The following PTPRT variants were observed in gnomAD, a reference collection of about 807,000 sequenced individuals.
PTPRT encodes the protein protein tyrosine phosphatase receptor type T.
In PTPRT, 56 loss-of-function variants were observed where a neutral mutation model predicts 176.8. The ratio of observed to expected loss-of-function variants is 0.32; its 90% confidence interval spans 0.26 to 0.40. PTPRT has a LOEUF of 0.40. PTPRT is among the 10% of genes least tolerant of loss of function. The pLI, the probability that PTPRT is intolerant of heterozygous loss-of-function variation, is 1.00. For missense variants in PTPRT, 1,540 were observed against 1,908.2 expected (o/e 0.81, Z 3.60); for synonymous variants, 783 against 739.0 (o/e 1.06, Z -0.96).
At chr20:43,135,093 T>G (rs1226690953) in intron 1 of PTPRT, among the ~76,000 whole-genome samples, 1 of 152,216 alleles carries the variant, frequency 6.6e-6, no homozygotes, top group African/African-American at 2.4e-5. Context: ...TAGGTATATC[T>G]TCTGGAGGAT....
At chr20:42,226,377 C>T (rs996033745) in intron 15 of PTPRT, among the ~76,000 whole-genome samples, 1 of 152,176 alleles carries the variant, frequency 6.6e-6, no homozygotes, top group Non-Finnish European at 1.5e-5. Flanking sequence ...AAGCTCAGGG[C>T]TTTTTCCTGC....
intron 2 of PTPRT, among the ~76,000 whole-genome samples, chr20:42,792,521 G>T (rs1210861688): frequency 2.0e-5 from 3 of 152,174 alleles, no homozygotes; most frequent in African/African-American, 4.8e-5. Context: ...ACAAATTAAA[G>T]AGATGATTAA....
intron 13 of PTPRT, among the ~76,000 whole-genome samples, chr20:42,249,353 T>C (rs2056511078): frequency 6.6e-6 from 1 of 152,214 alleles, no homozygotes; most frequent in African/African-American, 2.4e-5. Flanking sequence ...CAAGGGAACT[T>C]GAGTACACCT....
intron 27 of PTPRT, among the ~76,000 whole-genome samples, chr20:42,094,430 C>T (rs1984977865): frequency 6.6e-6 from 1 of 152,158 alleles, no homozygotes; most frequent in Non-Finnish European, 1.5e-5. Context: ...CTTCATTCCT[C>T]TTTCTTTTTT....
chr20:42,793,846 A>C (rs1600747493), intron 2 of PTPRT, among the ~76,000 whole-genome samples: 1 of 152,112 alleles, frequency 6.6e-6, no homozygotes, highest in East Asian at 1.9e-4. Context: ...AGCCCCACAA[A>C]GGGTTTGTGA....
chr20:42,231,849 T>A (rs182418426), intron 15 of PTPRT, among the ~76,000 whole-genome samples: 1 of 152,204 alleles, frequency 6.6e-6, no homozygotes, highest in Non-Finnish European at 1.5e-5. Context: ...TGGCTCCTTA[T>A]GGAAAATATT....
At chr20:43,016,552 CTTTT>C (rs11482189) in intron 1 of PTPRT, among the ~76,000 whole-genome samples, 96 of 76,226 alleles carry the variant, frequency 1.3e-3, no homozygotes, top group Middle Eastern at 0.017. Flanking sequence ...TCTAAGGCCA[CTTTT>C]TTTTTTTTTT....
At chr20:42,280,522 C>T (rs1210458096) in intron 13 of PTPRT, among the ~76,000 whole-genome samples, 3 of 152,184 alleles carry the variant, frequency 2.0e-5, no homozygotes, top group Admixed American at 6.5e-5. Flanking sequence ...CCTGCCTGGG[C>T]TTGGACAGCT....
the PTPRT span, among the ~76,000 whole-genome samples, chr20:42,048,971 G>A: frequency 5.3e-5 from 8 of 152,120 alleles, no homozygotes; most frequent in South Asian, 4.2e-4. Flanking sequence ...ACAGATGCCC[G>A]CCACCACACC....
chr20:43,169,711 C>T (rs2014948319), intron 1 of PTPRT, among the ~76,000 whole-genome samples: 1 of 151,908 alleles, frequency 6.6e-6, no homozygotes, highest in African/African-American at 2.4e-5. Flanking sequence ...CAATATCCCT[C>T]CTCTTCTCTA....
intron 16 of PTPRT, among the ~76,000 whole-genome samples, chr20:42,182,907 G>GGTGTGT (rs10608197): frequency 0.14 from 19,882 of 144,494 alleles, 1,640 homozygotes; most frequent in East Asian, 0.28. Flanking sequence ...TACAAGCAGG[G>GGTGTGT]GTGTGTGTGT....
At chr20:43,141,434 C>A (rs1004919591) in intron 1 of PTPRT, among the ~76,000 whole-genome samples, 1 of 152,174 alleles carries the variant, frequency 6.6e-6, no homozygotes, top group Non-Finnish European at 1.5e-5. Flanking sequence ...TGTCAACATC[C>A]AGCAGGCTGA....
At chr20:42,102,871 T>C (rs1006746615) in intron 25 of PTPRT, among the ~76,000 whole-genome samples, 1 of 152,192 alleles carries the variant, frequency 6.6e-6, no homozygotes, top group Admixed American at 6.5e-5. Flanking sequence ...TCTTGCAAGT[T>C]TGAGGCCAGA....
intron 1 of PTPRT, among the ~76,000 whole-genome samples, chr20:42,929,006 C>T (rs1362492609): frequency 6.6e-6 from 1 of 152,198 alleles, no homozygotes; most frequent in Admixed American, 6.5e-5. Context: ...AGAACATACC[C>T]CCTGCTTTCT....
At chr20:43,072,940 G>C (rs892231367) in intron 1 of PTPRT, among the ~76,000 whole-genome samples, 1 of 152,098 alleles carries the variant, frequency 6.6e-6, no homozygotes, top group African/African-American at 2.4e-5. Flanking sequence ...ACTGGTCCAG[G>C]TGTGGTCCTT....
chr20:42,174,012 T>C (rs1600631301), intron 16 of PTPRT, among the ~76,000 whole-genome samples: 1 of 152,106 alleles, frequency 6.6e-6, no homozygotes, highest in Non-Finnish European at 1.5e-5. Context: ...AGTACAAATA[T>C]TGGTTGGCAA....
chr20:42,718,682 G>C (rs1399927018), intron 6 of PTPRT, among the ~76,000 whole-genome samples: 1 of 152,136 alleles, frequency 6.6e-6, no homozygotes, highest in Non-Finnish European at 1.5e-5. Context: ...AATAATTCTA[G>C]TAGTCACAAT....
Position 42,815,936 on chromosome 20 carries a change from T to G in PTPRT, c.215-24470A>C, listed in dbSNP as rs144905193. 7.5e-3 allele frequency among the ~76,000 whole-genome samples: 1,135 copies of G among 152,348 alleles called. 7 individuals are homozygous for G. The highest frequency in any genetic ancestry group is 0.01 in the Non-Finnish European group (711 of 68,034). ...GGGAAATTATATGAGAATGTAGTCC[T>G]GTTTGAACAGAAAACTTTTTTTTTC... On this transcript the variant is annotated intron_variant, in intron 2 of 30. Transcript: ENST00000373187.
chr20:42,361,200 GC>G (rs2058427456), intron 9 of PTPRT, among the ~76,000 whole-genome samples: 1 of 152,158 alleles, frequency 6.6e-6, no homozygotes, highest in Admixed American at 6.5e-5. Context: ...TGCCAAGCAA[GC>G]CCAGAAGCTG....
Sources: allele counts gnomAD v4.1 joint callset (sites outside exome capture counted in the v4.1 genomes callset), GRCh38; gene constraint gnomAD v4.1.1; transcripts MANE v1.5; gene names NCBI Gene and HGNC (gene_info 2026-07-23, HGNC 2026-07-21).